ZC3H12B: variants seen among roughly 807,000 people sequenced by gnomAD.
ZC3H12B encodes the protein zinc finger CCCH-type containing 12B.
Under a neutral mutation model 43.9 loss-of-function variants are expected in ZC3H12B, and 7 were observed. The observed-to-expected ratio is 0.16, with a 90% CI of 0.09 to 0.30. The LOEUF is 0.30. ZC3H12B is among the 10% of genes least tolerant of loss of function. The pLI, the probability that ZC3H12B is intolerant of heterozygous loss-of-function variation, is 1.00. For missense variants in ZC3H12B, 475 were observed against 670.2 expected, an observed-to-expected ratio of 0.71 and a Z score of 3.22; for synonymous variants, 222 against 241.7, an observed-to-expected ratio of 0.92 and a Z score of 0.76.
chrX:65,138,300 CT>C, the ZC3H12B span, among the ~76,000 whole-genome samples: 2 of 111,712 alleles, frequency 1.8e-5, no homozygotes, highest in African/African-American at 6.5e-5. Context: ...ATGAGTTCAA[CT>C]TTTTTAGATT....
At chrX:65,154,071 G>T in the ZC3H12B span, among the ~76,000 whole-genome samples, 2 of 110,411 alleles carry the variant, frequency 1.8e-5, no homozygotes, top group Non-Finnish European at 3.8e-5. Context: ...CACACTCTGG[G>T]GACTGTTGTG....
At chrX:65,496,948 CAAAAAAA>C (rs373400545) in intron 1 of ZC3H12B, among the ~76,000 whole-genome samples, 177 bp from the exon 7 acceptor site, 1 of 40,916 alleles carries the variant, frequency 2.4e-5, no homozygotes, top group East Asian at 9.3e-4. Flanking sequence ...AAAGTGAGAC[CAAAAAAA>C]AAAAAAAAAG....
At chrX:65,396,897 A>T (rs1209331901) in intron 2 of ZC3H12B, among the ~76,000 whole-genome samples, 3 of 111,380 alleles carry the variant, frequency 2.7e-5, no homozygotes, top group Non-Finnish European at 3.8e-5. Context: ...TGTATTGGGT[A>T]CATATATATT....
At chrX:65,153,344 G>T in the ZC3H12B span, among the ~76,000 whole-genome samples, 1 of 111,414 alleles carries the variant, frequency 9.0e-6, no homozygotes, top group Non-Finnish European at 1.9e-5. Context: ...TCTGACAAAG[G>T]GCTAATATCC....
intron 3 of ZC3H12B, among the ~76,000 whole-genome samples, chrX:65,406,725 A>G (rs2066832405): frequency 9.0e-6 from 1 of 111,385 alleles, no homozygotes; most frequent in Non-Finnish European, 1.9e-5. Context: ...CGGCGGTAGG[A>G]GCGGCGGCTG....
At chrX:65,477,326 G>A (rs1268054643) in intron 3 of ZC3H12B, among the ~76,000 whole-genome samples, 1 of 109,634 alleles carries the variant, frequency 9.1e-6, no homozygotes, top group Non-Finnish European at 1.9e-5. Context: ...TTGCAGCCTA[G>A]AAGACACAAA....
intron 3 of ZC3H12B, among the ~76,000 whole-genome samples, chrX:65,417,860 AT>A (rs1216371051): frequency 8.9e-6 from 1 of 112,000 alleles, no homozygotes; most frequent in East Asian, 2.8e-4. Context: ...AACCAACATT[AT>A]TTTCTACTAA....
chrX:65,383,355 G>T (rs1189222261), intron 2 of ZC3H12B, among the ~76,000 whole-genome samples: 1 of 111,959 alleles, frequency 8.9e-6, no homozygotes, highest in Admixed American at 9.5e-5. Context: ...AATGGGGAAA[G>T]GATTCCCTAT....
chrX:65,128,292 T>G, the ZC3H12B span, among the ~76,000 whole-genome samples: 26 of 112,358 alleles, frequency 2.3e-4, no homozygotes, highest in Non-Finnish European at 3.8e-4. Context: ...TCAATATATT[T>G]TATTTCTCCT....
chrX:65,351,501 A>C, the ZC3H12B span, among the ~76,000 whole-genome samples: 4 of 112,561 alleles, frequency 3.6e-5, no homozygotes, highest in Non-Finnish European at 7.5e-5. Flanking sequence ...TCTGCACAGC[A>C]AAAGAAACTA....
chrX:65,503,618 C>CTTTTTT (rs201727012), exon 5 of ZC3H12B: 1 of 106,738 alleles, frequency 9.4e-6, no homozygotes, highest in African/African-American at 4.3e-5. Flanking sequence ...TTCTTTCTTT[C>CTTTTTT]TTTATTTTTT....
At chrX:65,074,607 T>A in the ZC3H12B span, among the ~76,000 whole-genome samples, 3 of 112,111 alleles carry the variant, frequency 2.7e-5, no homozygotes, top group East Asian at 8.4e-4. Context: ...ATGTGTATAT[T>A]GATTCACTTG....
At chrX:65,229,172 G>C in the ZC3H12B span, among the ~76,000 whole-genome samples, 2 of 110,864 alleles carry the variant, frequency 1.8e-5, no homozygotes, top group African/African-American at 3.3e-5. Context: ...CATGGTACTG[G>C]TACCAAAACA....
chrX:65,190,604 G>A, the ZC3H12B span, among the ~76,000 whole-genome samples: 1 of 106,338 alleles, frequency 9.4e-6, no homozygotes, highest in Non-Finnish European at 1.9e-5. Flanking sequence ...CTGTTTGTCT[G>A]TTGTTGGTGT....
At chrX:65,209,514 T>A in the ZC3H12B span, among the ~76,000 whole-genome samples, 24 of 99,244 alleles carry the variant, frequency 2.4e-4, no homozygotes, top group Admixed American at 2.3e-4. Context: ...AATCCTGAGT[T>A]CTAGTTTGAT....
intron 1 of ZC3H12B, among the ~76,000 whole-genome samples, chrX:65,496,327 G>A (rs1465056873): frequency 1.8e-5 from 2 of 111,623 alleles, no homozygotes; most frequent in Non-Finnish European, 3.8e-5. Flanking sequence ...TTTTGCTGTC[G>A]ATGTTATTTT....
chrX:65,450,337 G>GTA (rs1217455693), intron 3 of ZC3H12B, among the ~76,000 whole-genome samples: 3 of 79,351 alleles, frequency 3.8e-5, no homozygotes, highest in Non-Finnish European at 6.9e-5. Flanking sequence ...ACATATATAT[G>GTA]TATATATATG....
At chrX:65,484,176 G>C (rs1254872659), upstream of ZC3H12B, among the ~76,000 whole-genome samples, 1 of 111,287 alleles carries the variant, frequency 9.0e-6, no homozygotes, top group Non-Finnish European at 1.9e-5. Flanking sequence ...ACATAGAGGG[G>C]AACAACACAC....
the ZC3H12B span, among the ~76,000 whole-genome samples, chrX:65,360,978 T>A: frequency 8.9e-6 from 1 of 112,363 alleles, no homozygotes; most frequent in African/African-American, 3.2e-5. Context: ...TTCCCTTTTT[T>A]ATATGTTGGT....
Sources: allele counts gnomAD v4.1 joint callset (sites outside exome capture counted in the v4.1 genomes callset), GRCh38; gene constraint gnomAD v4.1.1; transcripts MANE v1.5; gene names NCBI Gene and HGNC (gene_info 2026-07-23, HGNC 2026-07-21).